The following KCTD5 variants were observed in gnomAD, a reference collection of about 807,000 sequenced individuals.
The protein encoded by KCTD5 is potassium channel tetramerization domain containing 5.
KCTD5 carries 12 observed loss-of-function variants against 27.9 expected under a neutral mutation model. The ratio of observed to expected loss-of-function variants is 0.43; its 90% CI spans 0.28 to 0.70. KCTD5 has a LOEUF of 0.70. Among genes scored for constraint, KCTD5 ranks in the 30% least tolerant of loss-of-function variants. The pLI is 0.19. For missense variants in KCTD5, 226 were observed against 274.8 expected (o/e 0.82, Z 1.26); for synonymous variants, 147 against 121.4 (o/e 1.21, Z -1.39).
At position 2,707,425 on chromosome 16, in the gene KCTD5, T is replaced by C. The variant is rs760694092; in HGVS notation, c.*98T>C. On this transcript the variant is annotated 3_prime_UTR_variant, in exon 6 of 6. Transcript: ENST00000301738. ...GCTTGGCTGTGAGAAGAAACCTGCTTTTGATCATTTTTCTAGAGATCTGGG... is the reference window on the plus strand; with the variant it reads ...GCTTGGCTGTGAGAAGAAACCTGCTCTTGATCATTTTTCTAGAGATCTGGG... 8.1e-7 allele frequency: 1 copy of C among 1,236,846 alleles called. No individual in the cohort carries two copies. Among genetic ancestry groups the C allele is most frequent in the East Asian group, 2.3e-5 (1 of 43,018 alleles). 76.6% of individuals were successfully genotyped at this position (1,236,846 alleles called of 1,614,324 possible).
chr16:2,683,028 G>C, intron 1 of KCTD5: 1 of 513,234 alleles, frequency 1.9e-6, no homozygotes, highest in Non-Finnish European at 3.4e-6. Context: ...TGAGGATCCT[G>C]AGTCGATTCA....
Position 2,682,651 on chromosome 16 carries a change from C to T in KCTD5, c.103C>T (p.Leu35=), listed in dbSNP as rs762576695. Reference sequence around the variant, plus strand: ...CCGCTGCAGCGCTGGGCTCGGCGCCCTGGCCCAGCGCCCTGGCAGCGTGTC... The same window carrying T: ...CCGCTGCAGCGCTGGGCTCGGCGCCTTGGCCCAGCGCCCTGGCAGCGTGTC... The part of the protein sequence containing the change: ...CRRCSAGLGA[L]AQRPGSVSKW... Residue 35 remains leucine (L), a synonymous_variant, in exon 1 of 6, where the codon CTG becomes TTG. Transcript: ENST00000301738. 1 of 1,594,862 alleles carries T rather than the reference C, an allele frequency of 6.3e-7. No individual in the cohort carries two copies. The highest frequency in any genetic ancestry group is 8.5e-7 in the Non-Finnish European group (1 of 1,172,728).
chr16:2,682,679 A>G lies in KCTD5; in HGVS notation c.131A>G (p.Lys44Arg), dbSNP rs1336054753. Residue 44 changes from lysine to arginine, a missense_variant, in exon 1 of 6, where the codon AAG (lysine) becomes AGG (arginine). By Grantham distance (26) the Lys-to-Arg change is conservative. This residue lies in a region of KCTD5 where 91 missense variants were observed against 67.8 expected (regional missense o/e 1.34). Coordinates refer to ENST00000301738, the MANE Select transcript of KCTD5 (RefSeq NM_018992.4). Reference protein sequence around the residue: ...ALAQRPGSVSKWVRLNVGGTY... With the variant: ...ALAQRPGSVSRWVRLNVGGTY... ...GCCCAGCGCCCTGGCAGCGTGTCCA[A>G]GTGGGTCCGACTCAACGTCGGCGGC... is the stretch of plus-strand genomic sequence containing the variant. 6.2e-7 allele frequency: 1 copy of G among 1,608,268 alleles called. No homozygotes were observed. Among genetic ancestry groups the G allele is most frequent in the African/African-American group, 1.3e-5 (1 of 74,236 alleles).
Position 2,682,532 on chromosome 16 carries a change from C to G in KCTD5, c.-17C>G, listed in dbSNP as rs199800740. On this transcript the variant is annotated 5_prime_UTR_variant, in exon 1 of 6. Coordinates refer to ENST00000301738, the MANE Select transcript of KCTD5 (RefSeq NM_018992.4). ...CGCTTCCGGTGGAAGGGAGCTGTTG[C>G]GGGGCTTGCTGGGATCATGGCGGAG... 5.0e-6 allele frequency: 7 copies of G among 1,390,588 alleles called. No homozygotes were observed. The highest frequency in any genetic ancestry group is 2.7e-4 in the Middle Eastern group (1 of 3,654). The allele number at this position is 1,390,588 out of a possible 1,614,324, so 86.1% of individuals were successfully genotyped here. A position where few individuals can be genotyped will look rare whatever the true frequency, so the allele number is the denominator to read the frequency against.
At chr16:2,683,129 C>T (rs1310638153) in intron 1 of KCTD5, 1 of 264,012 alleles carries the variant, frequency 3.8e-6, no homozygotes, top group Non-Finnish European at 7.2e-6. Flanking sequence ...CTTTCTTTTT[C>T]TCACTAGGTT....
chr16:2,689,955 C>T (rs151291061), intron 1 of KCTD5, among the ~76,000 whole-genome samples: 10 of 152,356 alleles, frequency 6.6e-5, no homozygotes, highest in East Asian at 1.9e-4. Flanking sequence ...GGATCACAGG[C>T]GTAAGCCACT....
chr16:2,690,151 T>C (rs1567193464), intron 1 of KCTD5, among the ~76,000 whole-genome samples: 1 of 152,208 alleles, frequency 6.6e-6, no homozygotes, highest in Admixed American at 6.5e-5. Context: ...CTTCTCTGAG[T>C]GTTGCTCTCC....
intron 1 of KCTD5, among the ~76,000 whole-genome samples, chr16:2,688,228 A>AATAAATAAAT (rs1555454256): frequency 2.4e-5 from 2 of 84,630 alleles, no homozygotes; most frequent in African/African-American, 8.3e-5. Flanking sequence ...TAAATAAATA[A>AATAAATAAAT]ATATATATAT....
intron 1 of KCTD5, among the ~76,000 whole-genome samples, chr16:2,690,103 C>T (rs1296791536): frequency 6.6e-6 from 1 of 152,266 alleles, no homozygotes; most frequent in African/African-American, 2.4e-5. Context: ...CAGCCGGAGT[C>T]TGGTGAGATG....
In KCTD5 at chr16:2,691,667, G is replaced by T. The variant is rs568625855; in HGVS notation, c.253-4268G>T. On this transcript the variant is annotated intron_variant, in intron 1 of 5. Transcript: ENST00000301738. The stretch of plus-strand genomic sequence containing the variant: ...AGCCCACTGTCCTGGAGGCACTGGG[G>T]CGGCGGGGGTGTGGAGCGGCTGGCA... Among the ~76,000 whole-genome samples the T allele has an allele frequency of 2.6e-3, 393 of 152,318 alleles. 1 individual carries two copies. Among genetic ancestry groups the T allele is most frequent in the Non-Finnish European group, 4.4e-3 (301 of 68,016 alleles).
At chr16:2,697,586 G>A (rs567608579) in intron 2 of KCTD5, among the ~76,000 whole-genome samples, 13 of 152,350 alleles carry the variant, frequency 8.5e-5, no homozygotes, top group African/African-American at 2.4e-4. Context: ...GTAGACATAC[G>A]CTGAGCTGCA....
chr16:2,705,271 C>CTGTA (rs2067630593), intron 5 of KCTD5, among the ~76,000 whole-genome samples: 2 of 152,178 alleles, frequency 1.3e-5, no homozygotes, highest in Non-Finnish European at 2.9e-5. Context: ...CTGTCCCTGC[C>CTGTA]TGTAGTTGAC....
intron 1 of KCTD5, 124 bp downstream of exon 1, chr16:2,682,924 C>G (rs922483916): frequency 5.9e-5 from 73 of 1,229,966 alleles, no homozygotes; most frequent in Non-Finnish European, 7.7e-5. Flanking sequence ...GCTTCGAGCC[C>G]CGCGCTCCCT....
intron 1 of KCTD5, among the ~76,000 whole-genome samples, chr16:2,687,318 G>A (rs1306800313): frequency 6.6e-6 from 1 of 152,190 alleles, no homozygotes; most frequent in East Asian, 1.9e-4. Context: ...AGCTTGTTTC[G>A]GGGCACCTGA....
chr16:2,708,984 G>T lies in KCTD5; in HGVS notation c.*1657G>T. 6.6e-6 allele frequency: 1 copy of T among 152,294 alleles called. No homozygotes were observed. The highest frequency in any genetic ancestry group is 1.9e-4 in the East Asian group (1 of 5,184). 9.4% of individuals were successfully genotyped at this position (152,294 alleles called of 1,614,324 possible). ...GTATTTTATCAGCTTACAGTTTAAT[G>T]CCTAAGTTTCCCCTGGAAATAGCAA... is the stretch of plus-strand genomic sequence containing the variant. On this transcript the variant is annotated 3_prime_UTR_variant, in exon 6 of 6. Transcript: ENST00000301738.
intron 4 of KCTD5, 78 bp from the exon 5 acceptor site, chr16:2,702,275 T>G: frequency 6.3e-7 from 1 of 1,585,176 alleles, no homozygotes. Context: ...GGCAGGCGCG[T>G]CCTGAGGCTG....
chr16:2,692,321 C>T (rs191255606), intron 1 of KCTD5, among the ~76,000 whole-genome samples: 7 of 152,234 alleles, frequency 4.6e-5, no homozygotes, highest in African/African-American at 7.2e-5. Flanking sequence ...GTGAGCATGA[C>T]GAAGAGAAGC....
chr16:2,691,703 A>T (rs2067567544), intron 1 of KCTD5, among the ~76,000 whole-genome samples: 1 of 152,150 alleles, frequency 6.6e-6, no homozygotes, highest in Non-Finnish European at 1.5e-5. Context: ...GGTTCTTGGT[A>T]GACGCAGCTG....
chr16:2,691,541 G>A (rs573683361), intron 1 of KCTD5, among the ~76,000 whole-genome samples: 1 of 152,364 alleles, frequency 6.6e-6, no homozygotes, highest in East Asian at 1.9e-4. Context: ...GGCGCGCCGA[G>A]TCCACGCAGC....
Sources: gnomAD v4.1 joint callset for allele counts (sites outside exome capture counted in the v4.1 genomes callset) on GRCh38, gnomAD v4.1.1 for gene constraint, gnomAD v4.1.1 regional missense constraint, MANE v1.5 for transcripts, NCBI Gene and HGNC (gene_info 2026-07-23, HGNC 2026-07-21) for gene names.